Variants in MTMR2 observed in about 807,000 individuals in gnomAD.
MTMR2 encodes the protein myotubularin related protein 2, also known as phosphatidylinositol-3,5-bisphosphate 3-phosphatase MTMR2.
A neutral mutation model predicts 86.9 loss-of-function variants in MTMR2; 55 were observed. That is an observed-to-expected ratio of 0.63 (90% CI 0.51 to 0.79). The LOEUF (loss-of-function observed/expected upper bound fraction) is 0.79. Among genes scored for constraint, MTMR2 ranks in the 30% least tolerant of loss-of-function variants. The pLI, the probability that MTMR2 is intolerant of heterozygous loss-of-function variation, is 0.00. For missense variants in MTMR2, 659 were observed against 772.3 expected, an observed-to-expected ratio of 0.85 and a Z score of 1.74; for synonymous variants, 241 against 266.8, an observed-to-expected ratio of 0.90 and a Z score of 0.94.
At position 95,889,196 on chromosome 11, in the gene MTMR2, C is replaced by T. The variant is rs533623197; in HGVS notation, c.81-935G>A. Among the ~76,000 whole-genome samples the T allele has an allele frequency of 5.3e-5, 8 of 150,592 alleles. No homozygotes were observed. In the South Asian group the frequency reaches 6.3e-4, roughly 12 times the overall value. ...TCACCCAGGCTGGAGTGCAATGGTG[C>T]GATCTCCGGTCACTGCAACCTCCGC... On this transcript the variant is annotated intron_variant, in intron 1 of 14. Coordinates refer to ENST00000346299, the MANE Select transcript of MTMR2 (RefSeq NM_016156.6).
intron 1 of MTMR2, among the ~76,000 whole-genome samples, chr11:95,889,883 G>A (rs1865653289): frequency 6.6e-6 from 1 of 152,094 alleles, no homozygotes; most frequent in Non-Finnish European, 1.5e-5. Flanking sequence ...TTTCAAAAAT[G>A]TATTTTTCTA....
chr11:95,866,381 C>T (rs1565361599), intron 2 of MTMR2: 3 of 152,186 alleles, frequency 2.0e-5, no homozygotes, highest in African/African-American at 4.8e-5. Context: ...AAGCCTTCCT[C>T]ACCTCCTCCC....
chr11:95,879,213 G>A (rs893027853), intron 2 of MTMR2, among the ~76,000 whole-genome samples: 5 of 152,220 alleles, frequency 3.3e-5, no homozygotes, highest in African/African-American at 1.2e-4. Flanking sequence ...CTGAAACCAC[G>A]AAGAAGAAAG....
chr11:95,904,632 G>A (rs1281431457), intron 1 of MTMR2, among the ~76,000 whole-genome samples: 1 of 152,192 alleles, frequency 6.6e-6, no homozygotes, highest in African/African-American at 2.4e-5. Context: ...ACTCCCTCAA[G>A]TACCATGGCA....
intron 2 of MTMR2, among the ~76,000 whole-genome samples, chr11:95,872,590 T>C (rs555411625): frequency 9.1e-4 from 138 of 152,128 alleles, no homozygotes; most frequent in African/African-American, 3.0e-3. Flanking sequence ...CTTTTCCTAA[T>C]TGAATACACT....
chr11:95,870,295 T>C (rs747386320), intron 2 of MTMR2, among the ~76,000 whole-genome samples: 7 of 151,950 alleles, frequency 4.6e-5, no homozygotes, highest in Non-Finnish European at 1.0e-4. Flanking sequence ...GAAATTTTTA[T>C]AATAAAATAC....
At chr11:95,905,860 G>A (rs1045264787) in intron 1 of MTMR2, among the ~76,000 whole-genome samples, 2 of 151,984 alleles carry the variant, frequency 1.3e-5, no homozygotes, top group African/African-American at 4.8e-5. Flanking sequence ...TCAAAGTAAA[G>A]GGATAGAGAA....
chr11:95,911,927 A>G, intron 1 of MTMR2, among the ~76,000 whole-genome samples: 1 of 152,172 alleles, frequency 6.6e-6, no homozygotes, highest in African/African-American at 2.4e-5. Context: ...AGAAAGTCAT[A>G]TATCCATTAT....
intron 10 of MTMR2, among the ~76,000 whole-genome samples, chr11:95,845,697 T>C (rs1442843143): frequency 7.7e-6 from 1 of 129,700 alleles, no homozygotes; most frequent in Non-Finnish European, 1.8e-5. Context: ...TGAGCTACTT[T>C]TCTGTAACAC....
chr11:95,879,526 T>C (rs1865246520), intron 2 of MTMR2, among the ~76,000 whole-genome samples: 1 of 152,208 alleles, frequency 6.6e-6, no homozygotes, highest in South Asian at 2.1e-4. Flanking sequence ...TACTTGGAAT[T>C]ATTCCAGTAG....
chr11:95,920,464 C>T (rs1270146099), intron 1 of MTMR2, among the ~76,000 whole-genome samples: 1 of 149,144 alleles, frequency 6.7e-6, no homozygotes, highest in Non-Finnish European at 1.5e-5. Context: ...CGTGCCACCA[C>T]GCCCAGCTGA....
intron 7 of MTMR2, among the ~76,000 whole-genome samples, chr11:95,856,465 T>C (rs693597): frequency 0.28 from 41,793 of 151,400 alleles, 6,992 homozygotes; most frequent in Non-Finnish European, 0.38. Context: ...ATCTTAAAAC[T>C]ACAGCTTCTA....
At position 95,915,862 on chromosome 11, in the gene MTMR2, A is replaced by C. The variant is rs555509150; in HGVS notation, c.80+8013T>G. Reference sequence around the variant, plus strand: ...AAGTGAAATACAATATAGCACGGCAATCCATTCTTCCTTTGATTTCTGTTT... The same window carrying C: ...AAGTGAAATACAATATAGCACGGCACTCCATTCTTCCTTTGATTTCTGTTT... On this transcript the variant is annotated intron_variant, in intron 1 of 14. Coordinates refer to ENST00000346299, the MANE Select transcript of MTMR2 (RefSeq NM_016156.6). Among the ~76,000 whole-genome samples, 3 of 152,276 alleles carry C rather than the reference A, an allele frequency of 2.0e-5. No homozygotes were observed. In the South Asian group the frequency reaches 6.2e-4, roughly 32 times the overall value.
intron 5 of MTMR2, among the ~76,000 whole-genome samples, chr11:95,861,238 C>A (rs1444044482): frequency 6.6e-6 from 1 of 151,016 alleles, no homozygotes; most frequent in Non-Finnish European, 1.5e-5. Flanking sequence ...TTAGTTCTTC[C>A]ACTACGAAGT....
intron 1 of MTMR2, among the ~76,000 whole-genome samples, chr11:95,916,411 A>G (rs1451346512): frequency 6.6e-6 from 1 of 152,194 alleles, no homozygotes; most frequent in South Asian, 2.1e-4. Context: ...TCAAAGAGAG[A>G]GAGTATGCTC....
intron 1 of MTMR2, among the ~76,000 whole-genome samples, chr11:95,897,563 C>A (rs1865922242): frequency 6.6e-6 from 1 of 152,070 alleles, no homozygotes; most frequent in Non-Finnish European, 1.5e-5. Flanking sequence ...AAATTCAACA[C>A]CCTTACTTAC....
intron 2 of MTMR2, among the ~76,000 whole-genome samples, chr11:95,879,676 T>C (rs1189712416): frequency 6.6e-6 from 1 of 152,134 alleles, no homozygotes; most frequent in African/African-American, 2.4e-5. Context: ...TCTTCTGTCC[T>C]TGGATTTTTA....
chr11:95,866,853 T>C (rs1001075590), intron 2 of MTMR2, among the ~76,000 whole-genome samples: 2 of 151,650 alleles, frequency 1.3e-5, no homozygotes, highest in East Asian at 1.9e-4. Context: ...ACATACTAAC[T>C]TGGTACTCTT....
chr11:95,904,590 C>T (rs550959175), intron 1 of MTMR2, among the ~76,000 whole-genome samples: 6 of 152,286 alleles, frequency 3.9e-5, no homozygotes, highest in East Asian at 1.9e-4. Flanking sequence ...AAGATAGTGA[C>T]GGAGGTGACC....
Sources: gnomAD v4.1 joint callset for allele counts (sites outside exome capture counted in the v4.1 genomes callset) on GRCh38, gnomAD v4.1.1 for gene constraint, MANE v1.5 for transcripts, NCBI Gene and HGNC (gene_info 2026-07-23, HGNC 2026-07-21) for gene names.